BNC2: variants seen among roughly 807,000 people sequenced by gnomAD.
BNC2 encodes the protein zinc finger protein basonuclin-2.
Under a neutral mutation model 76.3 loss-of-function variants are expected in BNC2, and 20 were observed. That is an observed-to-expected ratio of 0.26 (90% CI 0.18 to 0.38). The LOEUF is 0.38. BNC2 is among the 10% of genes least tolerant of loss of function. The pLI, the probability that BNC2 is intolerant of heterozygous loss-of-function variation, is 1.00. For synonymous variants in BNC2, 582 were observed against 514.8 expected (o/e 1.13, Z -1.77); for missense variants, 1,382 against 1,399.8 (o/e 0.99, Z 0.20).
intron 4 of BNC2, among the ~76,000 whole-genome samples, chr9:16,557,186 A>G (rs932868973): frequency 6.6e-6 from 1 of 152,074 alleles, no homozygotes; most frequent in Non-Finnish European, 1.5e-5. Context: ...GATGTGTCCC[A>G]TACCAATGGT....
chr9:16,508,903 C>T (rs7025544), intron 5 of BNC2, among the ~76,000 whole-genome samples: 3,343 of 151,534 alleles, frequency 0.022, 110 homozygotes, highest in South Asian at 0.13. Flanking sequence ...TCATTGTAAC[C>T]TCGAACTTCT....
chr9:16,685,435 C>A, intron 3 of BNC2: 1 of 559,702 alleles, frequency 1.8e-6, no homozygotes, highest in South Asian at 1.6e-5. Flanking sequence ...CTCTTTACAC[C>A]TAACTCAATG....
At chr9:16,525,900 G>T (rs1269306167) in intron 5 of BNC2, among the ~76,000 whole-genome samples, 1 of 151,770 alleles carries the variant, frequency 6.6e-6, no homozygotes, top group Non-Finnish European at 1.5e-5. Flanking sequence ...TTTGCTAAAG[G>T]CATGTATTCC....
intron 1 of BNC2, among the ~76,000 whole-genome samples, chr9:16,751,385 G>A (rs1046106038): frequency 6.6e-6 from 1 of 151,654 alleles, no homozygotes; most frequent in Non-Finnish European, 1.5e-5. Flanking sequence ...ATGCTTTCAA[G>A]GAAAACACAG....
chr9:16,587,764 C>A (rs996527462), intron 3 of BNC2, among the ~76,000 whole-genome samples: 4 of 152,106 alleles, frequency 2.6e-5, no homozygotes, highest in African/African-American at 9.7e-5. Flanking sequence ...CAACACCGTG[C>A]TCTCTAGCTT....
chr9:16,864,017 A>G lies in BNC2; in HGVS notation c.3+6629T>C, dbSNP rs1222764104. On this transcript the variant is annotated intron_variant, in intron 1 of 6. Transcript: ENST00000380672. ...GTGTTTTCAGAATTCTTAAAAAGGT[A>G]ATTCTCTTCATCTCTAAGATTTTAA... is the stretch of plus-strand genomic sequence containing the variant. 6.6e-5 allele frequency among the ~76,000 whole-genome samples: 10 copies of G among 152,322 alleles called. No individual in the cohort carries two copies. In the East Asian group the frequency reaches 1.7e-3, roughly 26 times the overall value.
chr9:16,668,145 GT>G (rs932732506), intron 3 of BNC2, among the ~76,000 whole-genome samples: 2 of 152,144 alleles, frequency 1.3e-5, no homozygotes, highest in Non-Finnish European at 2.9e-5. Flanking sequence ...TATGCACCTT[GT>G]TTTTCTTCTA....
At chr9:16,488,044 TCTTTG>T (rs34344469) in intron 5 of BNC2, among the ~76,000 whole-genome samples, 17,551 of 152,144 alleles carry the variant, frequency 0.12, 1,292 homozygotes, top group East Asian at 0.27. Flanking sequence ...TCTTTGGAGC[TCTTTG>T]CTTTATCTTT....
chr9:16,569,971 A>G (rs769565211), intron 4 of BNC2, among the ~76,000 whole-genome samples: 4 of 152,210 alleles, frequency 2.6e-5, no homozygotes, highest in Non-Finnish European at 4.4e-5. Flanking sequence ...AACATATCTC[A>G]TTTTAAAAGT....
At chr9:16,610,367 C>T (rs747497753) in intron 3 of BNC2, among the ~76,000 whole-genome samples, 1 of 152,140 alleles carries the variant, frequency 6.6e-6, no homozygotes, top group Non-Finnish European at 1.5e-5. Context: ...CAGTGAGTAA[C>T]ATCTTTCCTT....
intron 3 of BNC2, among the ~76,000 whole-genome samples, chr9:16,695,885 C>G (rs980214253): frequency 2.0e-5 from 3 of 152,056 alleles, no homozygotes; most frequent in Non-Finnish European, 2.9e-5. Flanking sequence ...TCACTGGTCT[C>G]CTTTCTTTAC....
In BNC2 at chr9:16,870,547, G is replaced by A. The variant is rs921522239; in HGVS notation, c.3+99C>T. On this transcript the variant is annotated intron_variant, in intron 1 of 6. Coordinates refer to ENST00000380672, the MANE Select transcript of BNC2 (RefSeq NM_017637.6). ...TGCCCCTCACGCCGCGGGCCGGAGG[G>A]CGGACACGGCCCCCGGGCGGCCCCG... The A allele has an allele frequency of 7.8e-6, 11 of 1,410,416 alleles. No individual in the cohort carries two copies. The Admixed American group carries it at 1.4e-4, about 18-fold the overall frequency. 87.4% of individuals were successfully genotyped at this position (1,410,416 alleles called of 1,614,324 possible).
chr9:16,614,958 T>TAAAAAAAAAAAAAAAAAAA (rs60545823), intron 3 of BNC2, among the ~76,000 whole-genome samples: 1 of 62,520 alleles, frequency 1.6e-5, no homozygotes, highest in African/African-American at 6.6e-5. Flanking sequence ...TCTGTCTCTT[T>TAAAAAAAAAAAAAAAAAAA]AAAAAAAAAA....
chr9:16,810,748 A>C (rs1818026606), intron 1 of BNC2, among the ~76,000 whole-genome samples: 1 of 152,200 alleles, frequency 6.6e-6, no homozygotes, highest in South Asian at 2.1e-4. Context: ...CAGTGATCCA[A>C]AGAGAAAAGC....
At chr9:16,868,650 C>A (rs185402780) in intron 1 of BNC2, among the ~76,000 whole-genome samples, 1 of 152,290 alleles carries the variant, frequency 6.6e-6, no homozygotes, top group Non-Finnish European at 1.5e-5. Context: ...GGTAAAGATA[C>A]TCCTGTACTT....
Position 16,793,863 on chromosome 9 carries a change from TTTTTG to T in BNC2, c.4-55383_4-55379del, listed in dbSNP as rs1239199538. Among the ~76,000 whole-genome samples, 18 of 124,498 alleles carry T rather than the reference TTTTTG, an allele frequency of 1.4e-4. 1 individual carries two copies. The highest frequency in any genetic ancestry group is 2.6e-4 in the Non-Finnish European group (16 of 60,708). 81.7% of individuals were successfully genotyped at this position (124,498 alleles called of 152,430 possible). ...GTTTTTGTTTTTTGTGGTTTTTGTTTTTTTGTTTTTTTTTTTTTTTAGTAGAGACG... is the reference window on the plus strand; with the variant it reads ...GTTTTTGTTTTTTGTGGTTTTTGTTTTTTTTTTTTTTTTTTAGTAGAGACG... On this transcript the variant is annotated intron_variant, in intron 1 of 6. Coordinates refer to ENST00000380672, the MANE Select transcript of BNC2 (RefSeq NM_017637.6).
chr9:16,662,920 G>A (rs1031595517), intron 3 of BNC2, among the ~76,000 whole-genome samples: 3 of 152,004 alleles, frequency 2.0e-5, no homozygotes, highest in African/African-American at 7.2e-5. Context: ...GCTATTACCT[G>A]CAGTAAGTGC....
chr9:16,866,278 G>C (rs865970663), intron 1 of BNC2, among the ~76,000 whole-genome samples: 18 of 152,068 alleles, frequency 1.2e-4, no homozygotes, highest in Middle Eastern at 6.8e-3. Flanking sequence ...TTTATAAATA[G>C]TTTAACATTT....
chr9:16,425,418 T>C (rs1180410887), intron 6 of BNC2, among the ~76,000 whole-genome samples: 1 of 152,170 alleles, frequency 6.6e-6, no homozygotes, highest in South Asian at 2.1e-4. Context: ...GCCATCCCCG[T>C]ATGGCCCCTA....
Sources: allele counts gnomAD v4.1 joint callset (sites outside exome capture counted in the v4.1 genomes callset), GRCh38; gene constraint gnomAD v4.1.1; transcripts MANE v1.5; gene names NCBI Gene and HGNC (gene_info 2026-07-23, HGNC 2026-07-21).